RIC8A: variants seen among roughly 807,000 people sequenced by gnomAD.
RIC8A encodes the protein chaperone Ric-8A.
A neutral mutation model predicts 48.4 loss-of-function variants in RIC8A; 37 were observed. The ratio of observed to expected loss-of-function variants is 0.77; its 90% confidence interval spans 0.59 to 1.01. RIC8A has a LOEUF of 1.01. Ranked by LOEUF, RIC8A falls within the 50% of genes least tolerant of loss-of-function variation. RIC8A has a pLI of 0.00. For synonymous variants in RIC8A, 288 were observed against 283.4 expected, an observed-to-expected ratio of 1.02 and a Z score of -0.16; for missense variants, 681 against 696.8, an observed-to-expected ratio of 0.98 and a Z score of 0.25.
rs763159144 is a variant in RIC8A at position 211,250 on chromosome 11, C to T, written c.870C>T (p.Leu290=). Residue 290 remains leucine (L), a synonymous_variant, in exon 5 of 10, where the codon CTC becomes CTT. Coordinates refer to ENST00000526104, the MANE Select transcript of RIC8A (RefSeq NM_001286134.2). The surrounding 1 kb of genome is among the most constrained non-coding windows in gnomAD (Gnocchi z 4.0). ...GNLPLKCLDV[L]LTLEPHGDST... ...TGCCCCTCAAGTGTCTGGATGTTCT[C>T]CTCACCCTGGAGCCACATGGAGACT... The T allele has an allele frequency of 5.6e-6, 9 of 1,614,120 alleles. No individual in the cohort carries two copies. The South Asian group carries it at 7.7e-5, about 14-fold the overall frequency.
At position 207,727 on chromosome 11, in the gene RIC8A, G is replaced by A; in HGVS notation, c.-1128G>A. 1 of 198,868 alleles carries A rather than the reference G, an allele frequency of 5.0e-6. No individual in the cohort carries two copies. Among genetic ancestry groups the A allele is most frequent in the South Asian group, 7.8e-5 (1 of 12,810 alleles). 12.3% of individuals were successfully genotyped at this position (198,868 alleles called of 1,614,324 possible). The stretch of plus-strand genomic sequence containing the variant: ...TTGCTTGCTCAGTGCCTAGACGATG[G>A]TGGTGGAAAGACGCTTCTGTGGGTT... On this transcript the variant is annotated 5_prime_UTR_variant, in exon 1 of 10. The change creates a new upstream start codon in the 5' untranslated region. Transcript: ENST00000526104.
At chr11:213,091 CT>C in intron 8 of RIC8A, 110 bp downstream of exon 8, 2 of 1,418,752 alleles carry the variant, frequency 1.4e-6, no homozygotes, top group Non-Finnish European at 1.9e-6. Context: ...TGGGCAAGAG[CT>C]TCCAGAATCA....
At chr11:210,444 A>G (rs1431977991) in intron 3 of RIC8A, 127 bp from the exon 4 acceptor site, 8 of 909,888 alleles carry the variant, frequency 8.8e-6, no homozygotes, top group Admixed American at 1.7e-5. Context: ...CCAGGGGACC[A>G]GGTATGCAGT....
At position 214,221 on chromosome 11, in the gene RIC8A, C is replaced by A; in HGVS notation, c.1476-9C>A. 2.5e-6 allele frequency: 4 copies of A among 1,613,052 alleles called. No homozygotes were observed. The highest frequency in any genetic ancestry group is 3.4e-6 in the Non-Finnish European group (4 of 1,179,432). Reference sequence around the variant, plus strand: ...CCTTCCCCAGCCCCACTGCACCTTTCCCCAACAGGAACAGAGTCATCCAGC... The same window carrying A: ...CCTTCCCCAGCCCCACTGCACCTTTACCCAACAGGAACAGAGTCATCCAGC... On this transcript the variant is annotated splice_polypyrimidine_tract_variant and intron_variant, in intron 9 of 9. Coordinates refer to ENST00000526104, the MANE Select transcript of RIC8A (RefSeq NM_001286134.2).
At chr11:212,577 T>G (rs942937142) in intron 6 of RIC8A, 38 bp from the exon 7 acceptor site, 2 of 1,613,200 alleles carry the variant, frequency 1.2e-6, no homozygotes, top group African/African-American at 2.7e-5. Context: ...GACCCTTGGC[T>G]GCTCTAAGCC....
At position 208,608 on chromosome 11, in the gene RIC8A, A is replaced by G. The variant is rs1279954688; in HGVS notation, c.-247A>G. ...AGCGCGGGTCACAAGGAGAGGGGTC[A>G]GTTCGGTTCAGAGCGACTCAGCCCC... On this transcript the variant is annotated 5_prime_UTR_variant, in exon 1 of 10. Coordinates refer to ENST00000526104, the MANE Select transcript of RIC8A (RefSeq NM_001286134.2). The surrounding 1 kb of genome is among the most constrained non-coding windows in gnomAD (Gnocchi z 4.8). 1.7e-5 allele frequency: 7 copies of G among 416,808 alleles called. No individual in the cohort carries two copies. The highest frequency in any genetic ancestry group is 2.5e-5 in the Non-Finnish European group (6 of 236,224). 25.8% of individuals were successfully genotyped at this position (416,808 alleles called of 1,614,324 possible). A position where few individuals can be genotyped will look rare whatever the true frequency, so the allele number is the denominator to read the frequency against.
At chr11:209,063 G>A (rs1183535812) in intron 1 of RIC8A, 125 bp downstream of exon 1, 3 of 1,058,926 alleles carry the variant, frequency 2.8e-6, no homozygotes, top group Admixed American at 1.9e-5. Context: ...GCGGCGGGGT[G>A]CGGGGGGCAG....
In RIC8A at chr11:208,708, TGCGCCCCGTTAAAGCGCCACCAGACGCC is replaced by T. The variant is rs973382766; in HGVS notation, c.-137_-110del. The T allele has an allele frequency of 6.1e-5, 34 of 559,690 alleles. 1 individual carries two copies. Among genetic ancestry groups the T allele is most frequent in the Middle Eastern group, 9.6e-4 (2 of 2,076 alleles). 34.7% of individuals were successfully genotyped at this position (559,690 alleles called of 1,614,324 possible). On this transcript the variant is annotated 5_prime_UTR_variant, in exon 1 of 10. Transcript: ENST00000526104. The surrounding 1 kb of genome is among the most constrained non-coding windows in gnomAD (Gnocchi z 4.8). ...GCCCCCTTAAAGCGCCACCAGACGC[TGCGCCCCGTTAAAGCGCCACCAGACGCC>T]GCGCCCCGTCCCGGCCTCCCCCGCG...
At position 212,870 on chromosome 11, in the gene RIC8A, A is replaced by T; in HGVS notation, c.1244A>T (p.Asn415Ile). Reference sequence around the variant, plus strand: ...TTCATCAAGTACACAGGCTATGGGAATGCTGCTGGCCTTCTGGCTGCCAGG... The same window carrying T: ...TTCATCAAGTACACAGGCTATGGGATTGCTGCTGGCCTTCTGGCTGCCAGG... ...PRFIKYTGYG[N>I]AAGLLAARGL... Residue 415 changes from asparagine (N) to isoleucine (I), a missense_variant, in exon 8 of 10, where the codon AAT (asparagine) becomes ATT (isoleucine). By Grantham distance (149) the Asn-to-Ile change is moderately radical. Transcript: ENST00000526104. 1 of 1,606,862 alleles carries T rather than the reference A, an allele frequency of 6.2e-7. No individual in the cohort carries two copies. Among genetic ancestry groups the T allele is most frequent in the Non-Finnish European group, 8.5e-7 (1 of 1,176,352 alleles).
Position 209,318 on chromosome 11 carries a change from G to A in RIC8A, c.132G>A (p.Lys44=), listed in dbSNP as rs781113956. 2 of 1,613,054 alleles carry A rather than the reference G, an allele frequency of 1.2e-6. No individual in the cohort carries two copies. The highest frequency in any genetic ancestry group is 2.2e-5 in the East Asian group (1 of 44,862). ...ATGATGCCCAACAGGAGGACCGGAA[G>A]GTGGGTGCTGGCCCAAGGGGTAAAG... ...TFDDAQQEDR[K]RLAELLVSVL... The change falls in exon 2 of 10, where the codon AAG becomes AAA. Residue 44 remains lysine (K), a splice_region_variant and synonymous_variant. Transcript: ENST00000526104.
rs149363546 is a variant in RIC8A, at chr11:214,312, C to G, written c.1558C>G (p.Gln520Glu). Reference protein sequence around the residue: ...LQDAMCETMEQQLSSDPDSDP... With the variant: ...LQDAMCETMEEQLSSDPDSDP... ...GGATGCCATGTGCGAGACTATGGAG[C>G]AGCAGCTCTCCTCGGACCCTGACTC... Residue 520 changes from glutamine to glutamate, a missense_variant, in exon 10 of 10, where the codon CAG (glutamine) becomes GAG (glutamate). Coordinates refer to ENST00000526104, the MANE Select transcript of RIC8A (RefSeq NM_001286134.2). 5.0e-6 allele frequency: 8 copies of G among 1,612,104 alleles called. No homozygotes were observed. In the African/African-American group the frequency reaches 1.1e-4, roughly 22 times the overall value.
intron 5 of RIC8A, chr11:212,200 T>TA (rs1238715881): frequency 5.2e-6 from 3 of 575,084 alleles, no homozygotes; most frequent in Admixed American, 3.0e-5. Context: ...ACCTCTGAGT[T>TA]ACGCTCTATC....
chr11:208,863 C>G lies in RIC8A; in HGVS notation c.9C>G (p.Pro3=). Residue 3 remains proline, a synonymous_variant, in exon 1 of 10, where the codon CCC becomes CCG. Coordinates refer to ENST00000526104, the MANE Select transcript of RIC8A (RefSeq NM_001286134.2). The surrounding 1 kb of genome is among the most constrained non-coding windows in gnomAD (Gnocchi z 4.8). The stretch of plus-strand genomic sequence containing the variant: ...GCCTTCCCCGGCGCGCCATGGAGCC[C>G]CGGGCGGTTGCAGAAGCCGTGGAGA... The part of the protein sequence containing the change: ME[P]RAVAEAVETG... The G allele has an allele frequency of 6.2e-7, 1 of 1,609,946 alleles. No homozygotes were observed.
Position 213,405 on chromosome 11 carries a change from G to C in RIC8A, c.1462G>C (p.Asp488His), listed in dbSNP as rs1236669006. The C allele has an allele frequency of 1.0e-5, 16 of 1,590,930 alleles. No homozygotes were observed. Among genetic ancestry groups the C allele is most frequent in the Non-Finnish European group, 1.4e-5 (16 of 1,168,176 alleles). ...HEAMKLVTMF[D>H]KLSRNRVIQP... ...GGCCATGAAGCTGGTGACCATGTTT[G>C]ACAAGCTCTCCAGGTGTGTGGCATG... Residue 488 changes from aspartate to histidine, a missense_variant, in exon 9 of 10, where the codon GAC becomes CAC. By Grantham distance (81) the Asp-to-His change is moderately conservative (BLOSUM62 -1). Coordinates refer to ENST00000526104, the MANE Select transcript of RIC8A (RefSeq NM_001286134.2).
At position 208,812 on chromosome 11, in the gene RIC8A, G is replaced by C; in HGVS notation, c.-43G>C. 2 of 1,553,194 alleles carry C rather than the reference G, an allele frequency of 1.3e-6. No homozygotes were observed. Among genetic ancestry groups the C allele is most frequent in the East Asian group, 2.4e-5 (1 of 42,204 alleles). On this transcript the variant is annotated 5_prime_UTR_variant, in exon 1 of 10. Coordinates refer to ENST00000526104, the MANE Select transcript of RIC8A (RefSeq NM_001286134.2). This position sits in a 1 kb window ranked among gnomAD's most constrained non-coding sequence, Gnocchi z 4.8. ...GGGCGGGGCCGGCGAACTGCGGCCC[G>C]GAACGGCTGAGGAAGGGCCCGTCCC...
chr11:208,610 T>G lies in RIC8A; in HGVS notation c.-245T>G. The G allele has an allele frequency of 2.4e-6, 1 of 419,186 alleles. No individual in the cohort carries two copies. Among genetic ancestry groups the G allele is most frequent in the Non-Finnish European group, 4.2e-6 (1 of 237,260 alleles). The allele number at this position is 419,186 out of a possible 1,614,324, so 26.0% of individuals were successfully genotyped here. On this transcript the variant is annotated 5_prime_UTR_variant, in exon 1 of 10. Transcript: ENST00000526104. The surrounding 1 kb of genome is among the most constrained non-coding windows in gnomAD (Gnocchi z 4.8). ...CGCGGGTCACAAGGAGAGGGGTCAG[T>G]TCGGTTCAGAGCGACTCAGCCCCTC...
intron 9 of RIC8A, 133 bp from the exon 10 acceptor site, chr11:214,097 G>A: frequency 9.6e-7 from 1 of 1,041,980 alleles, no homozygotes; most frequent in South Asian, 1.7e-5. Context: ...GTTAACAGAA[G>A]GTCCAACCAG....
chr11:209,467 A>G lies in RIC8A; in HGVS notation c.193A>G (p.Ile65Val). The change falls in exon 3 of 10, where the codon ATC becomes GTC. Residue 65 changes from isoleucine (I) to valine (V), a missense_variant. Transcript: ENST00000526104. The part of the protein sequence containing the change: ...EQGLPPSHRV[I>V]WLQSVRILSR... ...GGGCTTGCCACCCTCCCACCGTGTC[A>G]TCTGGCTGCAGAGTGTCCGAATCCT... 1.2e-6 allele frequency: 2 copies of G among 1,606,530 alleles called. No individual in the cohort carries two copies. The highest frequency in any genetic ancestry group is 8.5e-7 in the Non-Finnish European group (1 of 1,173,802).
chr11:212,567 G>A, intron 6 of RIC8A, 48 bp from the exon 7 acceptor site: 1 of 1,613,082 alleles, frequency 6.2e-7, no homozygotes, highest in Non-Finnish European at 8.5e-7. Flanking sequence ...CCTGATCACA[G>A]ACCCTTGGCT....
Sources: allele counts gnomAD v4.1 joint callset, GRCh38; gene constraint gnomAD v4.1.1; non-coding constraint Gnocchi (gnomAD v3.1); transcripts MANE v1.5; gene names NCBI Gene and HGNC (gene_info 2026-07-23, HGNC 2026-07-21).